FAM98A: variants seen among roughly 807,000 people sequenced by gnomAD.
The protein encoded by FAM98A is tRNA splicing ligase complex subunit 3A.
In FAM98A, 25 loss-of-function variants were observed where a neutral mutation model predicts 62.9. That is an observed-to-expected ratio of 0.40 (90% CI 0.29 to 0.56). The LOEUF (loss-of-function observed/expected upper bound fraction) is 0.56. Ranked by LOEUF, FAM98A falls within the 20% of genes least tolerant of loss-of-function variation. FAM98A has a pLI of 0.51. For synonymous variants in FAM98A, 252 were observed against 228.6 expected (o/e 1.10, Z -0.92); for missense variants, 653 against 640.7 (o/e 1.02, Z -0.21).
chr2:33,594,226 T>A (rs1677737027), intron 2 of FAM98A, among the ~76,000 whole-genome samples: 2 of 152,132 alleles, frequency 1.3e-5, no homozygotes, highest in South Asian at 4.1e-4. Flanking sequence ...TATACTCTCC[T>A]TAATAATTAG....
intron 3 of FAM98A, among the ~76,000 whole-genome samples, chr2:33,590,637 T>C (rs1677649534): frequency 6.6e-6 from 1 of 152,184 alleles, no homozygotes; most frequent in African/African-American, 2.4e-5. Flanking sequence ...CTCTAGATGA[T>C]TTAGTCATTT....
chr2:33,591,984 T>A, intron 3 of FAM98A, 96 bp downstream of exon 3: 1 of 1,085,822 alleles, frequency 9.2e-7, no homozygotes, highest in Non-Finnish European at 1.3e-6. Context: ...ATTACATTCA[T>A]AATGAAATAA....
intron 6 of FAM98A, among the ~76,000 whole-genome samples, 199 bp downstream of exon 6, chr2:33,586,363 A>G (rs1231313317): frequency 2.0e-5 from 3 of 152,234 alleles, no homozygotes; most frequent in Non-Finnish European, 4.4e-5. Flanking sequence ...AGATTTGTTA[A>G]AAAATAGAAA....
intron 1 of FAM98A, among the ~76,000 whole-genome samples, chr2:33,596,991 A>G (rs573513144): frequency 1.3e-5 from 2 of 152,136 alleles, no homozygotes; most frequent in Non-Finnish European, 2.9e-5. Flanking sequence ...ATAGGTTTAT[A>G]CAGTATATGC....
chr2:33,594,572 TATATACAC>T lies in FAM98A; in HGVS notation c.202+909_202+916del, dbSNP rs1310324376. 7.0e-5 allele frequency among the ~76,000 whole-genome samples: 7 copies of T among 99,460 alleles called. 1 individual carries two copies. The highest frequency in any genetic ancestry group is 1.0e-4 in the Non-Finnish European group (5 of 49,344). The allele number at this position is 99,460 out of a possible 152,430, so 65.2% of individuals were successfully genotyped here. ...AAAAAAAAAAAAAATTATATATATA[TATATACAC>T]ACACACACACACACACACACATACA... is the stretch of plus-strand genomic sequence containing the variant. On this transcript the variant is annotated intron_variant, in intron 2 of 7. Coordinates refer to ENST00000238823, the MANE Select transcript of FAM98A (RefSeq NM_015475.5).
In FAM98A at chr2:33,584,542, TA is replaced by T. The variant is rs1349181354; in HGVS notation, c.*233del. 4.3e-6 allele frequency: 2 copies of T among 460,216 alleles called. No homozygotes were observed. The highest frequency in any genetic ancestry group is 7.6e-6 in the Non-Finnish European group (2 of 262,806). 28.5% of individuals were successfully genotyped at this position (460,216 alleles called of 1,614,324 possible). A position where few individuals can be genotyped will look rare whatever the true frequency, so the allele number is the denominator to read the frequency against. On this transcript the variant is annotated 3_prime_UTR_variant, in exon 8 of 8. Transcript: ENST00000238823. ...ATTAAAGGCAATTTTAACCACCTTTTAAAAAATTTTTCATAGAAAGGAGAGA... is the reference window on the plus strand; with the variant it reads ...ATTAAAGGCAATTTTAACCACCTTTTAAAAATTTTTCATAGAAAGGAGAGA...
Position 33,584,404 on chromosome 2 carries a change from C to A in FAM98A, c.*372G>T. The A allele has an allele frequency of 5.0e-6, 1 of 199,384 alleles. No homozygotes were observed. Among genetic ancestry groups the A allele is most frequent in the Non-Finnish European group, 1.0e-5 (1 of 97,602 alleles). 12.4% of individuals were successfully genotyped at this position (199,384 alleles called of 1,614,324 possible). ...TTCCTAGTAGTAAATCTAAAAAAGT[C>A]TAGGTGAATCCTCATTTTCAAAACT... On this transcript the variant is annotated 3_prime_UTR_variant, in exon 8 of 8. Coordinates refer to ENST00000238823, the MANE Select transcript of FAM98A (RefSeq NM_015475.5).
chr2:33,588,466 G>A lies in FAM98A; in HGVS notation c.391C>T (p.Pro131Ser). 1 of 1,613,602 alleles carries A rather than the reference G, an allele frequency of 6.2e-7. No homozygotes were observed. Among genetic ancestry groups the A allele is most frequent in the Admixed American group, 1.7e-5 (1 of 59,986 alleles). Residue 131 changes from proline (P) to serine (S), a missense_variant, in exon 4 of 8, where the codon CCA becomes TCA. Transcript: ENST00000238823. Reference protein sequence around the residue: ...AARMLCVNAPPKKAQEGGGSE... With the variant: ...AARMLCVNAPSKKAQEGGGSE... Reference sequence around the variant, plus strand: ...CCGCCTCCTTCTTGAGCTTTTTTTGGAGGAGCATTCACACAGAGCATTCTG... The same window carrying A: ...CCGCCTCCTTCTTGAGCTTTTTTTGAAGGAGCATTCACACAGAGCATTCTG...
Position 33,585,545 on chromosome 2 carries a change from G to T in FAM98A, c.873C>A (p.Ala291=), listed in dbSNP as rs760181620. ...CTCTAATCACCTTATTGATGGCACA[G>T]GCAGTCTTTTCTCTTATAGAGCCGC... ...TSSGSIREKT[A]CAINKVLMGR... Residue 291 remains alanine, a synonymous_variant, in exon 7 of 8, where the codon GCC becomes GCA. Transcript: ENST00000238823. 11 of 1,614,178 alleles carry T rather than the reference G, an allele frequency of 6.8e-6. No homozygotes were observed. The Middle Eastern group carries it at 9.9e-4, about 145-fold the overall frequency.
Position 33,588,334 on chromosome 2 carries a change from C to CT in FAM98A, c.522dup (p.Leu175IlefsTer11), listed in dbSNP as rs1237814873. On this transcript the variant is annotated frameshift_variant and splice_region_variant. Coordinates refer to ENST00000238823, the MANE Select transcript of FAM98A (RefSeq NM_015475.5). LOFTEE classifies it high-confidence loss of function. ...CTACAATTTGGTACTAAAGGTCTTACTTTTTTTTCAATCCCGCTGAAGAAT... is the reference window on the plus strand; with the variant it reads ...CTACAATTTGGTACTAAAGGTCTTACTTTTTTTTTCAATCCCGCTGAAGAAT... The CT allele has an allele frequency of 2.5e-6, 4 of 1,607,082 alleles. No individual in the cohort carries two copies. The highest frequency in any genetic ancestry group is 2.2e-5 in the South Asian group (2 of 90,138).
At chr2:33,590,630 T>C (rs1677649486) in intron 3 of FAM98A, among the ~76,000 whole-genome samples, 1 of 152,182 alleles carries the variant, frequency 6.6e-6, no homozygotes, top group Non-Finnish European at 1.5e-5. Context: ...GAGTGACCTC[T>C]AGATGATTTA....
Position 33,584,497 on chromosome 2 carries a change from T to C in FAM98A, c.*279A>G, listed in dbSNP as rs1677488444. 1 of 394,476 alleles carries C rather than the reference T, an allele frequency of 2.5e-6. No homozygotes were observed. Among genetic ancestry groups the C allele is most frequent in the Non-Finnish European group, 4.5e-6 (1 of 221,002 alleles). The allele number at this position is 394,476 out of a possible 1,614,324, so 24.4% of individuals were successfully genotyped here. On this transcript the variant is annotated 3_prime_UTR_variant, in exon 8 of 8. Transcript: ENST00000238823. ...CAAAAAAGTTTGCATGTTCTGACTG[T>C]GGAATTAGTCTACTGGGCAATTAAA...
In FAM98A at chr2:33,585,517, G is replaced by A; in HGVS notation, c.888+13C>T. The A allele has an allele frequency of 6.2e-7, 1 of 1,613,910 alleles. No homozygotes were observed. The highest frequency in any genetic ancestry group is 8.5e-7 in the Non-Finnish European group (1 of 1,179,908). Reference sequence around the variant, plus strand: ...TAAATGCATTTGGAAAAAATTAAAGGTACTCTAATCACCTTATTGATGGCA... The same window carrying A: ...TAAATGCATTTGGAAAAAATTAAAGATACTCTAATCACCTTATTGATGGCA... On this transcript the variant is annotated intron_variant, in intron 7 of 7. Transcript: ENST00000238823.
In FAM98A at chr2:33,584,528, T is replaced by G; in HGVS notation, c.*248A>C. On this transcript the variant is annotated 3_prime_UTR_variant, in exon 8 of 8. Coordinates refer to ENST00000238823, the MANE Select transcript of FAM98A (RefSeq NM_015475.5). ...TAGTCTACTGGGCAATTAAAGGCAA[T>G]TTTAACCACCTTTTAAAAAATTTTT... The G allele has an allele frequency of 6.6e-6, 3 of 451,204 alleles. No homozygotes were observed. Among genetic ancestry groups the G allele is most frequent in the Non-Finnish European group, 1.2e-5 (3 of 256,518 alleles). The allele number at this position is 451,204 out of a possible 1,614,324, so 28.0% of individuals were successfully genotyped here.
chr2:33,588,153 C>G (rs967209558), intron 4 of FAM98A, 182 bp downstream of exon 4: 1 of 603,336 alleles, frequency 1.7e-6, no homozygotes, highest in Non-Finnish European at 3.0e-6. Context: ...TAGGAAAATA[C>G]TAAAATACTA....
At chr2:33,592,014 C>T in intron 3 of FAM98A, 66 bp downstream of exon 3, 1 of 1,261,342 alleles carries the variant, frequency 7.9e-7, no homozygotes, top group Non-Finnish European at 1.1e-6. Flanking sequence ...AAACCATGGT[C>T]AGTTTATTAG....
At position 33,583,912 on chromosome 2, in the gene FAM98A, AG is replaced by A. The variant is rs1558545890; in HGVS notation, c.*863del. The stretch of plus-strand genomic sequence containing the variant: ...AGTGCATTTCTTCCATTACAAAAAA[AG>A]TTACCTGCTTAAAGCAAACTAACTT... On this transcript the variant is annotated 3_prime_UTR_variant, in exon 8 of 8. Coordinates refer to ENST00000238823, the MANE Select transcript of FAM98A (RefSeq NM_015475.5). 1 of 152,672 alleles carries A rather than the reference AG, an allele frequency of 6.5e-6. No homozygotes were observed. Among genetic ancestry groups the A allele is most frequent in the Non-Finnish European group, 1.5e-5 (1 of 68,042 alleles). 9.5% of individuals were successfully genotyped at this position (152,672 alleles called of 1,614,324 possible).
chr2:33,584,668 T>C lies in FAM98A; in HGVS notation c.*108A>G. ...CAAATGCTTATGCCAAGCAGGAATCTGCCTGCCACCTGTGGTCTCACATTA... is the reference window on the plus strand; with the variant it reads ...CAAATGCTTATGCCAAGCAGGAATCCGCCTGCCACCTGTGGTCTCACATTA... On this transcript the variant is annotated 3_prime_UTR_variant, in exon 8 of 8. Transcript: ENST00000238823. 1 of 958,138 alleles carries C rather than the reference T, an allele frequency of 1.0e-6. No individual in the cohort carries two copies. The allele number at this position is 958,138 out of a possible 1,614,324, so 59.4% of individuals were successfully genotyped here. A position where few individuals can be genotyped will look rare whatever the true frequency, so the allele number is the denominator to read the frequency against.
At chr2:33,587,383 A>G (rs1677580421) in intron 4 of FAM98A, 63 bp from the exon 5 acceptor site, 2 of 1,176,546 alleles carry the variant, frequency 1.7e-6, no homozygotes, top group South Asian at 2.4e-5. Context: ...CATCTTCCCA[A>G]TTCCCATCAT....
Sources: gnomAD v4.1 joint callset for allele counts (sites outside exome capture counted in the v4.1 genomes callset) on GRCh38, gnomAD v4.1.1 for gene constraint, MANE v1.5 for transcripts, NCBI Gene and HGNC (gene_info 2026-07-23, HGNC 2026-07-21) for gene names.